SPTAN1: variants seen among roughly 807,000 people sequenced by gnomAD.
The protein encoded by SPTAN1 is spectrin alpha chain, non-erythrocytic 1.
Under a neutral mutation model 331.3 loss-of-function variants are expected in SPTAN1, and 61 were observed. The observed-to-expected ratio is 0.18, with a 90% CI of 0.15 to 0.23. The LOEUF (loss-of-function observed/expected upper bound fraction) is 0.23. SPTAN1 is among the 10% of genes least tolerant of loss of function. The pLI is 1.00. For missense variants in SPTAN1, 2,043 were observed against 3,147.9 expected (o/e 0.65, Z 8.40); for synonymous variants, 1,153 against 1,173.9 (o/e 0.98, Z 0.36).
chr9:128,593,205 G>A (rs998514370), intron 23 of SPTAN1, 163 bp downstream of exon 23: 23 of 754,058 alleles, frequency 3.1e-5, no homozygotes, highest in African/African-American at 2.4e-4. Flanking sequence ...AAGAGGTCGC[G>A]GTGCAGCTGT....
At chr9:128,588,328 T>TTTG (rs5900810) in intron 20 of SPTAN1, among the ~76,000 whole-genome samples, 1 of 148,290 alleles carries the variant, frequency 6.7e-6, no homozygotes, top group Non-Finnish European at 1.5e-5. Flanking sequence ...TTTTTTTTTT[T>TTTG]GAGATGGAGT....
At chr9:128,589,375 G>C (rs1254786989) in intron 21 of SPTAN1, among the ~76,000 whole-genome samples, 3 of 140,912 alleles carry the variant, frequency 2.1e-5, no homozygotes, top group Non-Finnish European at 4.5e-5. Context: ...TGCAAGCTCC[G>C]CCTCCTGCGT....
At chr9:128,590,882 A>C (rs543727650) in intron 21 of SPTAN1, among the ~76,000 whole-genome samples, 93 of 152,082 alleles carry the variant, frequency 6.1e-4, no homozygotes, top group African/African-American at 2.2e-3. Flanking sequence ...AATGAAAGTT[A>C]AGTGGGCACA....
chr9:128,633,543 A>C lies in SPTAN1; in HGVS notation c.*209A>C. 9.3e-7 allele frequency: 1 copy of C among 1,072,666 alleles called. No individual in the cohort carries two copies. The highest frequency in any genetic ancestry group is 1.4e-6 in the Non-Finnish European group (1 of 729,150). The allele number at this position is 1,072,666 out of a possible 1,614,324, so 66.4% of individuals were successfully genotyped here. On this transcript the variant is annotated 3_prime_UTR_variant, in exon 57 of 57. Transcript: ENST00000372739. ...GGGACCCAGATCTGTGTCTTGAAGCAGCTGCCCTCATTCCGACTTCAGAAA... is the reference window on the plus strand; with the variant it reads ...GGGACCCAGATCTGTGTCTTGAAGCCGCTGCCCTCATTCCGACTTCAGAAA...
rs1472364508 is a variant in SPTAN1, at chr9:128,617,650, C to T, written c.5368C>T (p.Leu1790=). The change falls in exon 42 of 57, where the codon CTG becomes TTG. Residue 1790 remains leucine, a synonymous_variant. Transcript: ENST00000372739. ...CCATCTCTCATTCAGGGAGAAGAAG[C>T]TGCTGGTGGGCTCAGAGGACTACGG... The part of the protein sequence containing the change: ...DEESWIKEKK[L]LVGSEDYGRD... The T allele has an allele frequency of 6.2e-7, 1 of 1,614,056 alleles. No homozygotes were observed. The highest frequency in any genetic ancestry group is 1.3e-5 in the African/African-American group (1 of 74,942).
intron 43 of SPTAN1, 52 bp from the exon 44 acceptor site, chr9:128,618,819 A>G (rs1857502389): frequency 6.8e-6 from 11 of 1,613,786 alleles, no homozygotes; most frequent in South Asian, 1.1e-5. Context: ...AACTATCACA[A>G]TCAAAGCTGG....
chr9:128,597,924 C>T (rs1299667192), intron 24 of SPTAN1, among the ~76,000 whole-genome samples: 1 of 152,122 alleles, frequency 6.6e-6, no homozygotes, highest in East Asian at 1.9e-4. Flanking sequence ...GCTGGGATTA[C>T]AGGCGTGAGC....
chr9:128,633,424 A>T lies in SPTAN1; in HGVS notation c.*90A>T, dbSNP rs1001853668. The T allele has an allele frequency of 2.6e-5, 41 of 1,594,954 alleles. No homozygotes were observed. Among genetic ancestry groups the T allele is most frequent in the Non-Finnish European group, 3.3e-5 (38 of 1,169,130 alleles). ...TCTGTGTGCTCTCACTTTCCACTGT[A>T]ACCTTAAGCCTGCTTAGCTTGGAAT... is the stretch of plus-strand genomic sequence containing the variant. On this transcript the variant is annotated 3_prime_UTR_variant, in exon 57 of 57. Coordinates refer to ENST00000372739, the MANE Select transcript of SPTAN1 (RefSeq NM_001130438.3).
chr9:128,582,527 A>G lies in SPTAN1; in HGVS notation c.1621A>G (p.Met541Val), dbSNP rs796053315. The G allele has an allele frequency of 1.2e-6, 2 of 1,614,146 alleles. No homozygotes were observed. The highest frequency in any genetic ancestry group is 1.6e-4 in the Middle Eastern group (1 of 6,062). Residue 541 changes from methionine to valine, a missense_variant, in exon 13 of 57, where the codon ATG becomes GTG. This residue lies in a region of SPTAN1 where 1,038 missense variants were observed against 1,531.5 expected (regional missense o/e 0.68). Coordinates refer to ENST00000372739, the MANE Select transcript of SPTAN1 (RefSeq NM_001130438.3). The stretch of plus-strand genomic sequence containing the variant: ...GCTAATTCAGAACAACCACTATGCA[A>G]TGGAAGATGTGGCCACTCGCCGAGA... ...TKLIQNNHYA[M>V]EDVATRRDAL...
rs1403189402 is a variant in SPTAN1, at chr9:128,612,255, G to T, written c.5043+9G>T. Reference sequence around the variant, plus strand: ...ACTTCTGGCTGTCTGAGGTAACACTGAGTGGTTCCTCTTCCTACCAGTGGG... The same window carrying T: ...ACTTCTGGCTGTCTGAGGTAACACTTAGTGGTTCCTCTTCCTACCAGTGGG... On this transcript the variant is annotated intron_variant, in intron 39 of 56. Coordinates refer to ENST00000372739, the MANE Select transcript of SPTAN1 (RefSeq NM_001130438.3). The T allele has an allele frequency of 6.2e-7, 1 of 1,614,032 alleles. No individual in the cohort carries two copies. The highest frequency in any genetic ancestry group is 1.3e-5 in the African/African-American group (1 of 74,932).
chr9:128,614,074 G>A (rs1856851400), intron 40 of SPTAN1, among the ~76,000 whole-genome samples: 1 of 152,090 alleles, frequency 6.6e-6, no homozygotes, highest in Non-Finnish European at 1.5e-5. Context: ...TTTTACACAG[G>A]TAGGTAGGTA....
At chr9:128,621,317 A>G in intron 45 of SPTAN1, 61 bp downstream of exon 45, 2 of 1,458,672 alleles carry the variant, frequency 1.4e-6, no homozygotes, top group Middle Eastern at 2.4e-4. Flanking sequence ...TGTTGGTACC[A>G]CAGAGGTCCC....
At chr9:128,604,278 A>C (rs1047958665) in intron 28 of SPTAN1, 48 bp from the exon 29 acceptor site, 3 of 1,583,042 alleles carry the variant, frequency 1.9e-6, no homozygotes, top group Non-Finnish European at 2.6e-6. Flanking sequence ...GACTGGGGGC[A>C]TGACAGGAGA....
In SPTAN1 at chr9:128,576,805, C is replaced by T. The variant is rs1312684096; in HGVS notation, c.652-18C>T. On this transcript the variant is annotated intron_variant, in intron 5 of 56. Coordinates refer to ENST00000372739, the MANE Select transcript of SPTAN1 (RefSeq NM_001130438.3). ...CAGAAGTTGTGTACAAATCCAGTCT[C>T]TTCTCTTCCTTGTTTAGGAGCAGCA... 3 of 1,613,004 alleles carry T rather than the reference C, an allele frequency of 1.9e-6. No homozygotes were observed. Among genetic ancestry groups the T allele is most frequent in the Non-Finnish European group, 2.5e-6 (3 of 1,179,944 alleles).
chr9:128,593,881 T>A (rs1045925443), intron 23 of SPTAN1: 4 of 419,976 alleles, frequency 9.5e-6, no homozygotes, highest in Non-Finnish European at 1.8e-5. Context: ...AGCGCTTGGT[T>A]TCAGTCCCTT....
intron 45 of SPTAN1, among the ~76,000 whole-genome samples, chr9:128,624,076 C>A: frequency 8.5e-6 from 1 of 117,020 alleles, no homozygotes; most frequent in East Asian, 2.5e-4. Context: ...GAGTGAAATT[C>A]ACTCCGTCTC....
intron 2 of SPTAN1, 132 bp from the exon 3 acceptor site, chr9:128,568,640 G>T (rs1456614229): frequency 8.0e-7 from 1 of 1,252,896 alleles, no homozygotes; most frequent in African/African-American, 1.5e-5. Context: ...AAGAGAATGG[G>T]CAAGGTGCCA....
intron 19 of SPTAN1, 35 bp downstream of exon 19, chr9:128,586,000 G>A (rs755945299): frequency 6.3e-7 from 1 of 1,598,022 alleles, no homozygotes; most frequent in Non-Finnish European, 8.6e-7. Context: ...ACCTGCCAGG[G>A]AAGTGGAACA....
At chr9:128,606,719 C>T (rs890979221) in intron 31 of SPTAN1, among the ~76,000 whole-genome samples, 1 of 151,996 alleles carries the variant, frequency 6.6e-6, no homozygotes, top group Non-Finnish European at 1.5e-5. Context: ...CTCCTGACCT[C>T]AGGTGATCCA....
Sources: gnomAD v4.1 joint callset for allele counts (sites outside exome capture counted in the v4.1 genomes callset) on GRCh38, gnomAD v4.1.1 for gene constraint, gnomAD v4.1.1 regional missense constraint, MANE v1.5 for transcripts, NCBI Gene and HGNC (gene_info 2026-07-23, HGNC 2026-07-21) for gene names.